HDAC7: variants seen among roughly 807,000 people sequenced by gnomAD.
HDAC7 encodes histone deacetylase 7A.
In HDAC7, 26 loss-of-function variants were observed where a neutral mutation model predicts 115.5. That is an observed-to-expected ratio of 0.23 (90% CI 0.16 to 0.31). The LOEUF (loss-of-function observed/expected upper bound fraction) is 0.31, where lower values mean the gene tolerates loss of function less well. Among genes scored for constraint, HDAC7 ranks in the 10% least tolerant of loss-of-function variants. The pLI is 1.00. For synonymous variants in HDAC7, 564 were observed against 550.9 expected, an observed-to-expected ratio of 1.02 and a Z score of -0.33; for missense variants, 1,068 against 1,329.0, an observed-to-expected ratio of 0.80 and a Z score of 3.05.
In HDAC7 at chr12:47,783,436, C is replaced by T; in HGVS notation, c.*405G>A. 1 of 225,196 alleles carries T rather than the reference C, an allele frequency of 4.4e-6. No homozygotes were observed. The highest frequency in any genetic ancestry group is 6.8e-5 in the South Asian group (1 of 14,614). 13.9% of individuals were successfully genotyped at this position (225,196 alleles called of 1,614,324 possible). On this transcript the variant is annotated 3_prime_UTR_variant, in exon 26 of 26. Transcript: ENST00000080059. The stretch of plus-strand genomic sequence containing the variant: ...GCCAGCCTGTCTGAGGCCAAGTTCA[C>T]ATTTCTGTGTGGAGCCTGAGGCTGT...
chr12:47,796,150 G>A lies in HDAC7; in HGVS notation c.795+57C>T, dbSNP rs1943826192. The A allele has an allele frequency of 9.7e-6, 15 of 1,546,926 alleles. No homozygotes were observed. In the South Asian group the frequency reaches 1.8e-4, roughly 18 times the overall value. ...CCAGCCCAGGTAGGGCCGCCTGCTG[G>A]AAGAAGGCTGAGCCTCAGAACTGCC... is the stretch of plus-strand genomic sequence containing the variant. On this transcript the variant is annotated intron_variant, in intron 8 of 25. Transcript: ENST00000080059.
chr12:47,783,940 C>T lies in HDAC7; in HGVS notation c.2931-54G>A, dbSNP rs561332812. 1.6e-4 allele frequency: 261 copies of T among 1,609,634 alleles called. 2 individuals are homozygous for T. In the South Asian group the frequency reaches 2.7e-3, roughly 17 times the overall value. On this transcript the variant is annotated intron_variant, in intron 25 of 25. Coordinates refer to ENST00000080059, the MANE Select transcript of HDAC7 (RefSeq NM_015401.5). ...GGAGCACCAGGGCTGCAGCAAGGGC[C>T]TTAGCTAAGCTTCCTCTCAACCCTG...
intron 20 of HDAC7, 64 bp from the exon 21 acceptor site, chr12:47,787,873 G>T (rs777741847): frequency 1.3e-6 from 2 of 1,544,316 alleles, no homozygotes; most frequent in Admixed American, 1.8e-5. Flanking sequence ...ACACCAGTTT[G>T]TTAGAGCTGC....
intron 2 of HDAC7, chr12:47,799,284 G>A: frequency 2.9e-6 from 1 of 341,532 alleles, no homozygotes; most frequent in Non-Finnish European, 5.2e-6. Context: ...GGGGCTGAGG[G>A]CTACAGTGAT....
Position 47,783,701 on chromosome 12 carries a change from G to T in HDAC7, c.*140C>A. Reference sequence around the variant, plus strand: ...TTTTCTCACGCTCCCTGGGATAACTGTCAAAGCAGGCAGGCTGTTCTCTGG... The same window carrying T: ...TTTTCTCACGCTCCCTGGGATAACTTTCAAAGCAGGCAGGCTGTTCTCTGG... On this transcript the variant is annotated 3_prime_UTR_variant, in exon 26 of 26. Transcript: ENST00000080059. The T allele has an allele frequency of 1.2e-6, 1 of 842,074 alleles. No homozygotes were observed. Among genetic ancestry groups the T allele is most frequent in the Non-Finnish European group, 2.0e-6 (1 of 508,192 alleles). The allele number at this position is 842,074 out of a possible 1,614,324, so 52.2% of individuals were successfully genotyped here. A position where few individuals can be genotyped will look rare whatever the true frequency, so the allele number is the denominator to read the frequency against.
Position 47,795,098 on chromosome 12 carries a change from G to C in HDAC7, c.1284+86C>G, listed in dbSNP as rs2136960647. On this transcript the variant is annotated intron_variant, in intron 11 of 25. Coordinates refer to ENST00000080059, the MANE Select transcript of HDAC7 (RefSeq NM_015401.5). This position sits in a 1 kb window ranked among gnomAD's most constrained non-coding sequence, Gnocchi z 4.3. ...CCCCTCTTTTGCCCTCCAGTTCCCT[G>C]CCCTTTCTAAGTACCCCTCTTCTTT... The C allele has an allele frequency of 7.4e-7, 1 of 1,351,640 alleles. No individual in the cohort carries two copies. Among genetic ancestry groups the C allele is most frequent in the South Asian group, 1.3e-5 (1 of 76,062 alleles). The allele number at this position is 1,351,640 out of a possible 1,614,324, so 83.7% of individuals were successfully genotyped here.
At chr12:47,800,226 G>A (rs539157693) in intron 2 of HDAC7, among the ~76,000 whole-genome samples, 1 of 152,170 alleles carries the variant, frequency 6.6e-6, no homozygotes, top group East Asian at 1.9e-4. Context: ...GCTCGGAGGT[G>A]AAGGGCCCTG....
chr12:47,798,336 C>G lies in HDAC7; in HGVS notation c.350-117G>C. ...GGAGGCGTCCCAGGGACTCCCTAGG[C>G]AAGAGCCAAGCCCGAGGCCCTACCC... On this transcript the variant is annotated intron_variant, in intron 4 of 25. Transcript: ENST00000080059. The surrounding 1 kb of genome is among the most constrained non-coding windows in gnomAD (Gnocchi z 4.3). The G allele has an allele frequency of 2.2e-6, 2 of 919,426 alleles. No individual in the cohort carries two copies. Among genetic ancestry groups the G allele is most frequent in the Non-Finnish European group, 3.5e-6 (2 of 573,746 alleles). 57.0% of individuals were successfully genotyped at this position (919,426 alleles called of 1,614,324 possible).
intron 1 of HDAC7, among the ~76,000 whole-genome samples, chr12:47,815,734 C>T (rs934200123): frequency 8.5e-5 from 13 of 152,174 alleles, no homozygotes; most frequent in Non-Finnish European, 1.6e-4. Context: ...GCCTCAGCCT[C>T]CCAAATAGCT....
At chr12:47,809,553 C>T (rs1464426797) in intron 1 of HDAC7, among the ~76,000 whole-genome samples, 1 of 152,082 alleles carries the variant, frequency 6.6e-6, no homozygotes, top group Non-Finnish European at 1.5e-5. Flanking sequence ...GGGCAACATC[C>T]TCCCACTAAG....
intron 1 of HDAC7, among the ~76,000 whole-genome samples, chr12:47,811,297 G>T (rs1193004098): frequency 6.6e-6 from 1 of 152,162 alleles, no homozygotes; most frequent in Non-Finnish European, 1.5e-5. Flanking sequence ...GGTTGAAGGG[G>T]TTTTTCCAGA....
chr12:47,801,830 G>T (rs766532100), intron 2 of HDAC7, among the ~76,000 whole-genome samples: 9 of 152,306 alleles, frequency 5.9e-5, no homozygotes, highest in Non-Finnish European at 1.0e-4. Flanking sequence ...GAGCAGTCCT[G>T]CAAGGGCTGC....
intron 1 of HDAC7, among the ~76,000 whole-genome samples, chr12:47,806,410 C>T (rs1944405012): frequency 6.6e-6 from 1 of 152,236 alleles, no homozygotes; most frequent in African/African-American, 2.4e-5. Flanking sequence ...GGCGAGGTGG[C>T]TCACGCCTAT....
intron 1 of HDAC7, among the ~76,000 whole-genome samples, chr12:47,808,536 G>C (rs912399404): frequency 6.6e-6 from 1 of 152,146 alleles, no homozygotes; most frequent in Non-Finnish European, 1.5e-5. Flanking sequence ...TCTGAGTTGC[G>C]TATGGCTGTC....
intron 24 of HDAC7, chr12:47,784,501 AT>A (rs1943049813): frequency 3.3e-6 from 2 of 604,686 alleles, no homozygotes; most frequent in Admixed American, 6.1e-5. Context: ...CCTTTGACTC[AT>A]TCCCCACAGG....
chr12:47,795,982 G>T lies in HDAC7; in HGVS notation c.830C>A (p.Thr277Asn). ...CGGCAAGGCGAACGGGGCCACAGAA[G>T]TCTCCTGCAGCCGCAGCCGCTGGCC... ...LLGQRLRLQE[T>N]SVAPFALPTV... The change falls in exon 9 of 26, where the codon ACT becomes AAT. Residue 277 changes from threonine to asparagine, a missense_variant. Transcript: ENST00000080059. This position sits in a 1 kb window ranked among gnomAD's most constrained non-coding sequence, Gnocchi z 4.3. The T allele has an allele frequency of 6.5e-7, 1 of 1,549,742 alleles. No individual in the cohort carries two copies. The highest frequency in any genetic ancestry group is 1.2e-5 in the South Asian group (1 of 84,054).
chr12:47,802,138 A>T (rs1565574789), intron 2 of HDAC7, 86 bp downstream of exon 2: 4 of 1,394,304 alleles, frequency 2.9e-6, no homozygotes, highest in Admixed American at 2.0e-5. Context: ...CTGCTTCTCT[A>T]ACCCCTCAGC....
chr12:47,792,599 G>A (rs760104066), intron 13 of HDAC7: 171 of 455,450 alleles, frequency 3.8e-4, no homozygotes, highest in South Asian at 7.3e-4. Flanking sequence ...ATTTCTGTGC[G>A]TCTAGGACAC....
At position 47,785,687 on chromosome 12, in the gene HDAC7, G is replaced by A. The variant is rs1395022891; in HGVS notation, c.2706+65C>T. On this transcript the variant is annotated intron_variant, in intron 23 of 25. Transcript: ENST00000080059. ...TCCCATCCCATCTGCCTGCTCCTTG[G>A]GTAGTCCTGAGAGCCGGGCTTACCT... is the stretch of plus-strand genomic sequence containing the variant. The A allele has an allele frequency of 2.0e-6, 3 of 1,537,342 alleles. No homozygotes were observed. In the South Asian group the frequency reaches 3.7e-5, roughly 19 times the overall value.
Sources: allele counts gnomAD v4.1 joint callset (sites outside exome capture counted in the v4.1 genomes callset), GRCh38; gene constraint gnomAD v4.1.1; non-coding constraint Gnocchi (gnomAD v3.1); transcripts MANE v1.5; gene names NCBI Gene and HGNC (gene_info 2026-07-23, HGNC 2026-07-21).